Variants in CTNNA3 observed in about 807,000 individuals in gnomAD.
CTNNA3 encodes catenin alpha-3.
A neutral mutation model predicts 95.7 loss-of-function variants in CTNNA3; 76 were observed. The observed-to-expected ratio is 0.79, with a 90% CI of 0.66 to 0.96. The LOEUF is 0.96. Among genes scored for constraint, CTNNA3 ranks in the 40% least tolerant of loss-of-function variants. CTNNA3 has a pLI of 0.00. For synonymous variants in CTNNA3, 431 were observed against 374.4 expected (o/e 1.15, Z -1.74); for missense variants, 1,191 against 1,089.8 (o/e 1.09, Z -1.31).
intron 7 of CTNNA3, among the ~76,000 whole-genome samples, chr10:67,064,108 T>C (rs2133229683): frequency 6.6e-6 from 1 of 152,324 alleles, no homozygotes; most frequent in East Asian, 1.9e-4. Context: ...CCTTGAGTCA[T>C]CTTCCCAGAT....
intron 7 of CTNNA3, among the ~76,000 whole-genome samples, chr10:67,012,789 T>C (rs1852421721): frequency 6.6e-6 from 1 of 152,108 alleles, no homozygotes; most frequent in African/African-American, 2.4e-5. Context: ...AATTCACGAG[T>C]GTTTGTTAAA....
At chr10:67,212,802 G>T (rs970480607) in intron 6 of CTNNA3, among the ~76,000 whole-genome samples, 5 of 151,746 alleles carry the variant, frequency 3.3e-5, no homozygotes, top group African/African-American at 1.2e-4. Context: ...ATTCAACTTT[G>T]TCATAATGAC....
chr10:66,489,229 A>C (rs2131928575), intron 11 of CTNNA3, among the ~76,000 whole-genome samples: 1 of 152,292 alleles, frequency 6.6e-6, no homozygotes, highest in East Asian at 1.9e-4. Context: ...CTAGCTTTAT[A>C]AACAATCAAT....
At chr10:67,400,577 G>T (rs961133398) in intron 5 of CTNNA3, among the ~76,000 whole-genome samples, 6 of 152,046 alleles carry the variant, frequency 3.9e-5, no homozygotes, top group African/African-American at 1.4e-4. Flanking sequence ...GTAATCAAAG[G>T]CTTATTTTTC....
At chr10:65,949,873 G>A (rs1400318565) in intron 17 of CTNNA3, among the ~76,000 whole-genome samples, 4 of 152,074 alleles carry the variant, frequency 2.6e-5, no homozygotes, top group Admixed American at 6.6e-5. Context: ...CACAGTAGCA[G>A]GAAAATGGGC....
At chr10:66,920,333 C>T (rs1846724271) in intron 7 of CTNNA3, among the ~76,000 whole-genome samples, 1 of 152,162 alleles carries the variant, frequency 6.6e-6, no homozygotes, top group Non-Finnish European at 1.5e-5. Flanking sequence ...AAGAAGTTTG[C>T]ACAGAATCAG....
At chr10:66,051,984 T>C (rs1029964745) in intron 15 of CTNNA3, among the ~76,000 whole-genome samples, 4 of 152,178 alleles carry the variant, frequency 2.6e-5, no homozygotes, top group African/African-American at 9.7e-5. Flanking sequence ...GAGTCTTTCT[T>C]TTTTTGTTAT....
intron 15 of CTNNA3, among the ~76,000 whole-genome samples, chr10:66,030,433 A>T (rs1456364039): frequency 6.6e-6 from 1 of 152,202 alleles, no homozygotes; most frequent in Non-Finnish European, 1.5e-5. Context: ...ACATCAAAAA[A>T]ATTGACAAAA....
intron 13 of CTNNA3, among the ~76,000 whole-genome samples, chr10:66,118,786 G>A (rs1048280996): frequency 6.6e-6 from 1 of 152,108 alleles, no homozygotes; most frequent in Non-Finnish European, 1.5e-5. Flanking sequence ...AATGTGGCAA[G>A]ATGAAAAAGC....
intron 12 of CTNNA3, among the ~76,000 whole-genome samples, chr10:66,346,383 AT>A (rs776537752): frequency 1.3e-5 from 2 of 151,182 alleles, no homozygotes. Flanking sequence ...AGTTCAAGCA[AT>A]TATCCTGCGT....
intron 13 of CTNNA3, among the ~76,000 whole-genome samples, chr10:66,105,048 C>G (rs146703681): frequency 1.3e-5 from 2 of 152,148 alleles, no homozygotes; most frequent in African/African-American, 4.8e-5. Flanking sequence ...AATACCCATC[C>G]CTTTGCAGAA....
chr10:67,530,266 T>C (rs539281650), intron 4 of CTNNA3, among the ~76,000 whole-genome samples: 13 of 152,194 alleles, frequency 8.5e-5, no homozygotes, highest in Admixed American at 4.6e-4. Flanking sequence ...TTGGAACAGT[T>C]TGGAGGGCTC....
At chr10:67,324,459 T>C (rs556511031) in intron 5 of CTNNA3, among the ~76,000 whole-genome samples, 2 of 152,310 alleles carry the variant, frequency 1.3e-5, no homozygotes, top group South Asian at 4.2e-4. Context: ...GAATGTTGAA[T>C]TTATCAAAAA....
At chr10:66,428,404 TA>T (rs2093262969) in intron 11 of CTNNA3, among the ~76,000 whole-genome samples, 1 of 152,166 alleles carries the variant, frequency 6.6e-6, no homozygotes, top group Non-Finnish European at 1.5e-5. Context: ...CAAGCAGACC[TA>T]ATAGACATCT....
chr10:66,583,969 T>G (rs1013783269), intron 10 of CTNNA3, among the ~76,000 whole-genome samples: 1 of 151,924 alleles, frequency 6.6e-6, no homozygotes, highest in Non-Finnish European at 1.5e-5. Context: ...TTGTTTAATT[T>G]CTATGTATTT....
At chr10:66,816,049 C>A (rs1430137089) in intron 7 of CTNNA3, among the ~76,000 whole-genome samples, 6 of 152,096 alleles carry the variant, frequency 3.9e-5, no homozygotes, top group African/African-American at 1.4e-4. Context: ...CGGGCATGCA[C>A]AAAGGACTGG....
At chr10:67,562,519 C>G (rs1405338448) in intron 3 of CTNNA3, among the ~76,000 whole-genome samples, 1 of 152,118 alleles carries the variant, frequency 6.6e-6, no homozygotes, top group African/African-American at 2.4e-5. Flanking sequence ...ATGACAAACC[C>G]ACAGCCAATA....
At chr10:67,727,052 ATATAAT>A (rs1156292853) in intron 1 of CTNNA3, among the ~76,000 whole-genome samples, 1 of 112,552 alleles carries the variant, frequency 8.9e-6, no homozygotes, top group East Asian at 2.4e-4. Flanking sequence ...TACATATATG[ATATAAT>A]TATATATAAT....
intron 7 of CTNNA3, among the ~76,000 whole-genome samples, chr10:67,096,534 G>A (rs895454536): frequency 4.0e-5 from 6 of 151,848 alleles, no homozygotes; most frequent in African/African-American, 1.2e-4. Flanking sequence ...GAATTCAACA[G>A]CATGAATTAG....
Sources: allele counts gnomAD v4.1 joint callset (sites outside exome capture counted in the v4.1 genomes callset), GRCh38; gene constraint gnomAD v4.1.1; transcripts MANE v1.5; gene names NCBI Gene and HGNC (gene_info 2026-07-23, HGNC 2026-07-21).